Variants in QRICH1 observed in about 807,000 individuals in gnomAD.
QRICH1 encodes the protein transcriptional regulator QRICH1.
Under a neutral mutation model 87.1 loss-of-function variants are expected in QRICH1, and 16 were observed. That is an observed-to-expected ratio of 0.18 (90% CI 0.12 to 0.28). QRICH1 has a LOEUF of 0.28. QRICH1 is among the 10% of genes least tolerant of loss of function. The pLI is 1.00. For synonymous variants in QRICH1, 367 were observed against 368.4 expected (o/e 1.00, Z 0.05); for missense variants, 647 against 951.7 (o/e 0.68, Z 4.21).
chr3:49,037,808 A>ATCTC (rs1057027684), intron 6 of QRICH1, among the ~76,000 whole-genome samples: 1 of 149,336 alleles, frequency 6.7e-6, no homozygotes, highest in Non-Finnish European at 1.5e-5. Flanking sequence ...GTGAAATCCC[A>ATCTC]TCTCTACCAG....
Position 49,030,623 on chromosome 3 carries a change from C to A in QRICH1, c.2160G>T (p.Arg720=), listed in dbSNP as rs759084690. Reference sequence around the variant, plus strand: ...CAGGTGTCAGGTAAAAGGTGTCATTCCGGCCTTTCACACTCTGGGGGCTGA... The same window carrying A: ...CAGGTGTCAGGTAAAAGGTGTCATTACGGCCTTTCACACTCTGGGGGCTGA... The part of the protein sequence containing the change: ...LFKCPQSVKG[R]NDTFYLTPEP... The change falls in exon 10 of 10, where the codon CGG becomes CGT. Residue 720 remains arginine, a synonymous_variant. Coordinates refer to ENST00000395443, the MANE Select transcript of QRICH1 (RefSeq NM_198880.3). 6.3e-7 allele frequency: 1 copy of A among 1,589,234 alleles called. No individual in the cohort carries two copies. Among genetic ancestry groups the A allele is most frequent in the Non-Finnish European group, 8.6e-7 (1 of 1,166,726 alleles).
At chr3:49,084,871 T>C (rs545628020) in intron 1 of QRICH1, among the ~76,000 whole-genome samples, 1 of 152,276 alleles carries the variant, frequency 6.6e-6, no homozygotes, top group Non-Finnish European at 1.5e-5. Flanking sequence ...ACAAGTGGTA[T>C]TAATCTAAGG....
intron 6 of QRICH1, among the ~76,000 whole-genome samples, chr3:49,036,161 A>G (rs2093274144): frequency 6.6e-6 from 1 of 152,160 alleles, no homozygotes; most frequent in South Asian, 2.1e-4. Context: ...CATGGAAGTA[A>G]GGGGCTATAG....
chr3:49,088,363 C>T (rs987530978), intron 1 of QRICH1, among the ~76,000 whole-genome samples: 3 of 152,080 alleles, frequency 2.0e-5, no homozygotes, highest in African/African-American at 4.8e-5. Context: ...GGCATCATCT[C>T]GGCTCAATGC....
intron 4 of QRICH1, 78 bp from the exon 5 acceptor site, chr3:49,046,657 A>C: frequency 1.3e-6 from 2 of 1,487,432 alleles, no homozygotes; most frequent in African/African-American, 2.8e-5. Context: ...ACTGCCCATC[A>C]GGGTGCTGGG....
rs2042333011 is a variant in QRICH1, at chr3:49,093,986, G to A, written c.-96C>T. On this transcript the variant is annotated 5_prime_UTR_variant, in exon 1 of 10. Transcript: ENST00000395443. ...CCCCGCCGCACCGCCAGGGACCCTG[G>A]TTCTGCCGTCGTCGCTCCAAGACCG... 14 of 402,046 alleles carry A rather than the reference G, an allele frequency of 3.5e-5. No individual in the cohort carries two copies. The Admixed American group carries it at 5.3e-4, about 15-fold the overall frequency. The allele number at this position is 402,046 out of a possible 1,614,324, so 24.9% of individuals were successfully genotyped here. A position where few individuals can be genotyped will look rare whatever the true frequency, so the allele number is the denominator to read the frequency against.
intron 2 of QRICH1, among the ~76,000 whole-genome samples, chr3:49,061,713 A>G (rs2093436005): frequency 1.3e-5 from 2 of 152,036 alleles, no homozygotes; most frequent in African/African-American, 4.8e-5. Context: ...CTAGCCAGGC[A>G]TGGTGGTGCA....
intron 2 of QRICH1, among the ~76,000 whole-genome samples, chr3:49,073,278 C>T (rs569450294): frequency 1.9e-4 from 29 of 152,274 alleles, no homozygotes; most frequent in African/African-American, 5.8e-4. Flanking sequence ...TGGCCAGGCA[C>T]GGTGGATCAC....
chr3:49,069,107 A>ATTT (rs57230454), intron 2 of QRICH1, among the ~76,000 whole-genome samples: 9 of 124,020 alleles, frequency 7.3e-5, no homozygotes, highest in East Asian at 2.2e-4. Context: ...TATTATTATT[A>ATTT]TTTTTTTTTT....
At chr3:49,085,998 A>G (rs1021227572) in intron 1 of QRICH1, among the ~76,000 whole-genome samples, 1 of 152,046 alleles carries the variant, frequency 6.6e-6, no homozygotes, top group Non-Finnish European at 1.5e-5. Context: ...AGCCATGAGG[A>G]TATCTGAGTG....
At position 49,032,115 on chromosome 3, in the gene QRICH1, C is replaced by G. The variant is rs2093244339; in HGVS notation, c.2138+68G>C. On this transcript the variant is annotated intron_variant, in intron 9 of 9. Transcript: ENST00000395443. ...CTCTCCCCTATGATAAGTGATCACA[C>G]AAGTGAGCATGCACACGCATACACA... 3 of 1,261,866 alleles carry G rather than the reference C, an allele frequency of 2.4e-6. No homozygotes were observed. In the South Asian group the frequency reaches 3.6e-5, roughly 15 times the overall value. 78.2% of individuals were successfully genotyped at this position (1,261,866 alleles called of 1,614,324 possible).
At chr3:49,094,211 C>G (rs953555282), upstream of QRICH1, 4 of 388,596 alleles carry the variant, frequency 1.0e-5, no homozygotes, top group Non-Finnish European at 1.8e-5. Flanking sequence ...ATAGTGGATC[C>G]TAGGGTATGG....
intron 1 of QRICH1, among the ~76,000 whole-genome samples, chr3:49,090,488 C>A (rs1256856768): frequency 1.4e-5 from 2 of 147,730 alleles, no homozygotes; most frequent in African/African-American, 5.0e-5. Context: ...ATTAGCCCAG[C>A]GTGGTGGCGG....
At chr3:49,046,959 G>T in intron 4 of QRICH1, 110 bp downstream of exon 4, 1 of 1,223,960 alleles carries the variant, frequency 8.2e-7, no homozygotes, top group Non-Finnish European at 1.2e-6. Context: ...TACAGATGTT[G>T]CTCTCTTGTC....
intron 1 of QRICH1, among the ~76,000 whole-genome samples, chr3:49,083,991 A>C (rs1054049652): frequency 1.3e-5 from 2 of 151,862 alleles, no homozygotes; most frequent in African/African-American, 4.8e-5. Flanking sequence ...TAGTAGAGGC[A>C]GGGTTTCACC....
At position 49,057,697 on chromosome 3, in the gene QRICH1, T is replaced by A; in HGVS notation, c.503A>T (p.Gln168Leu). 1 of 1,614,236 alleles carries A rather than the reference T, an allele frequency of 6.2e-7. No homozygotes were observed. Among genetic ancestry groups the A allele is most frequent in the Non-Finnish European group, 8.5e-7 (1 of 1,180,046 alleles). The change falls in exon 3 of 10, where the codon CAG becomes CTG. Residue 168 changes from glutamine (Q) to leucine (L), a missense_variant. By Grantham distance (113) the Gln-to-Leu change is moderately radical. This residue lies in a region of QRICH1 where 156 missense variants were observed against 164.5 expected (regional missense o/e 0.95). Coordinates refer to ENST00000395443, the MANE Select transcript of QRICH1 (RefSeq NM_198880.3). This position sits in a 1 kb window ranked among gnomAD's most constrained non-coding sequence, Gnocchi z 5.4. The stretch of plus-strand genomic sequence containing the variant: ...TGCTTGCACGTGCTGCACCTGGATC[T>A]GAGCTGCTTGCAGCTGCGAGGGACT... The part of the protein sequence containing the change: ...SPSPSQLQAA[Q>L]IQVQHVQAAQ...
chr3:49,038,500 C>T (rs565945463), intron 6 of QRICH1, among the ~76,000 whole-genome samples: 2 of 151,610 alleles, frequency 1.3e-5, no homozygotes, highest in East Asian at 2.0e-4. Context: ...GCAAACCCCG[C>T]CTCTCCTGGG....
intron 2 of QRICH1, among the ~76,000 whole-genome samples, chr3:49,076,028 G>A (rs2041944431): frequency 6.6e-6 from 1 of 152,060 alleles, no homozygotes. Context: ...TGGATCATGA[G>A]GTCAGGAGTT....
At chr3:49,070,018 C>T (rs545846077) in intron 2 of QRICH1, among the ~76,000 whole-genome samples, 10 of 151,996 alleles carry the variant, frequency 6.6e-5, no homozygotes, top group Non-Finnish European at 1.5e-4. Flanking sequence ...AAGTTCTTTC[C>T]TACACGCATT....
Sources: allele counts gnomAD v4.1 joint callset (sites outside exome capture counted in the v4.1 genomes callset), GRCh38; gene constraint gnomAD v4.1.1; regional missense constraint gnomAD v4.1.1; non-coding constraint Gnocchi (gnomAD v3.1); transcripts MANE v1.5; gene names NCBI Gene and HGNC (gene_info 2026-07-23, HGNC 2026-07-21).